MSRA: variants seen among roughly 807,000 people sequenced by gnomAD.
The protein encoded by MSRA is methionine sulfoxide reductase A, also known as mitochondrial peptide methionine sulfoxide reductase.
A neutral mutation model predicts 31.3 loss-of-function variants in MSRA; 54 were observed. The observed-to-expected ratio is 1.73, with a 90% CI of 1.39 to 2.17. The LOEUF is 2.17. Ranked by LOEUF, MSRA falls within the 30% of genes most tolerant of loss-of-function variation. The pLI, the probability that MSRA is intolerant of heterozygous loss-of-function variation, is 0.00. For missense variants in MSRA, 507 were observed against 300.9 expected, an observed-to-expected ratio of 1.69 and a Z score of -5.07; for synonymous variants, 169 against 116.5, an observed-to-expected ratio of 1.45 and a Z score of -2.90.
rs757696522 is a variant in MSRA at position 10,428,282 on chromosome 8, C to T, written c.678C>T (p.Gly226=). 42 of 1,613,910 alleles carry T rather than the reference C, an allele frequency of 2.6e-5. No individual in the cohort carries two copies. Among genetic ancestry groups the T allele is most frequent in the African/African-American group, 5.3e-5 (4 of 74,900 alleles). Residue 226 remains glycine, a synonymous_variant, in exon 6 of 6, where the codon GGC becomes GGT. Transcript: ENST00000317173. ...PNGYCGLGGT[G]VSCPVGIKK Reference sequence around the variant, plus strand: ...GCTACTGCGGCCTTGGGGGCACCGGCGTGTCCTGCCCAGTGGGTATTAAAA... The same window carrying T: ...GCTACTGCGGCCTTGGGGGCACCGGTGTGTCCTGCCCAGTGGGTATTAAAA...
chr8:10,180,998 G>A (rs1013210380), intron 1 of MSRA, among the ~76,000 whole-genome samples: 1 of 152,072 alleles, frequency 6.6e-6, no homozygotes, highest in Non-Finnish European at 1.5e-5. Flanking sequence ...CTTCGTCTCT[G>A]GACTTCTCTA....
chr8:10,225,293 C>T (rs1455180648), intron 2 of MSRA, among the ~76,000 whole-genome samples: 1 of 152,174 alleles, frequency 6.6e-6, no homozygotes, highest in Non-Finnish European at 1.5e-5. Flanking sequence ...TCAGTCCTTC[C>T]CCCTCAACCC....
At chr8:10,367,335 G>C (rs532970826) in intron 5 of MSRA, among the ~76,000 whole-genome samples, 1 of 152,262 alleles carries the variant, frequency 6.6e-6, no homozygotes, top group African/African-American at 2.4e-5. Context: ...TGCTTTATTA[G>C]TGTTGCGATA....
intron 5 of MSRA, 128 bp downstream of exon 5, chr8:10,320,117 C>T: frequency 1.6e-6 from 1 of 609,480 alleles, no homozygotes; most frequent in Non-Finnish European, 2.9e-6. Context: ...TTAGAAATTT[C>T]TGTCAGCCTC....
intron 5 of MSRA, among the ~76,000 whole-genome samples, chr8:10,408,374 C>T (rs1218189509): frequency 6.6e-6 from 1 of 151,964 alleles, no homozygotes; most frequent in Admixed American, 6.6e-5. Flanking sequence ...CTGTCTCTAC[C>T]AAAATTTTTT....
At chr8:10,169,506 C>G (rs953199098) in intron 1 of MSRA, among the ~76,000 whole-genome samples, 2 of 152,144 alleles carry the variant, frequency 1.3e-5, no homozygotes, top group East Asian at 3.8e-4. Flanking sequence ...AAACATAAAA[C>G]CATCAAACTT....
intron 1 of MSRA, among the ~76,000 whole-genome samples, chr8:10,201,286 G>C (rs561732197): frequency 1.3e-5 from 2 of 152,250 alleles, no homozygotes; most frequent in African/African-American, 4.8e-5. Context: ...GGTTGGGTTG[G>C]CATGGGGTTA....
intron 5 of MSRA, among the ~76,000 whole-genome samples, chr8:10,425,318 G>A (rs1051204795): frequency 1.3e-5 from 2 of 152,214 alleles, no homozygotes; most frequent in African/African-American, 4.8e-5. Flanking sequence ...TGCTCGCCTT[G>A]GAGGTTTTTC....
intron 5 of MSRA, among the ~76,000 whole-genome samples, chr8:10,390,150 G>C (rs556793911): frequency 6.6e-6 from 1 of 152,222 alleles, no homozygotes. Context: ...GATCCAGGCT[G>C]TGCCAGTCTC....
At chr8:10,197,507 G>C (rs1160718441) in intron 1 of MSRA, among the ~76,000 whole-genome samples, 1 of 152,066 alleles carries the variant, frequency 6.6e-6, no homozygotes, top group Non-Finnish European at 1.5e-5. Context: ...ATTGCGGGCT[G>C]GTGAAGGCTG....
chr8:10,269,543 G>T (rs1798921465), intron 3 of MSRA, among the ~76,000 whole-genome samples: 1 of 152,258 alleles, frequency 6.6e-6, no homozygotes, highest in African/African-American at 2.4e-5. Context: ...CAGAGAGCCG[G>T]CAGGGCAGAG....
At chr8:10,327,222 G>C (rs1210080218) in intron 5 of MSRA, among the ~76,000 whole-genome samples, 1 of 152,160 alleles carries the variant, frequency 6.6e-6, no homozygotes, top group East Asian at 1.9e-4. Flanking sequence ...TTTAAAGGCT[G>C]TATCTATCCG....
chr8:10,345,382 C>G (rs1256759055), intron 5 of MSRA, among the ~76,000 whole-genome samples: 2 of 152,170 alleles, frequency 1.3e-5, no homozygotes, highest in South Asian at 2.1e-4. Context: ...CATGTCACAT[C>G]CATTTCTAAC....
chr8:10,081,292 A>G (rs892172237), intron 1 of MSRA, among the ~76,000 whole-genome samples: 4 of 152,198 alleles, frequency 2.6e-5, no homozygotes, highest in African/African-American at 7.2e-5. Context: ...GCTGACTTCT[A>G]TAACCCACGT....
chr8:10,112,132 T>G (rs1161183745), intron 1 of MSRA, among the ~76,000 whole-genome samples: 1 of 152,148 alleles, frequency 6.6e-6, no homozygotes, highest in African/African-American at 2.4e-5. Flanking sequence ...GTCCCAGCTT[T>G]TATCCACAGT....
chr8:10,297,420 A>T (rs1039606056), intron 3 of MSRA, among the ~76,000 whole-genome samples: 1 of 152,172 alleles, frequency 6.6e-6, no homozygotes, highest in African/African-American at 2.4e-5. Context: ...CACATCTATC[A>T]TGCTATGTGC....
At chr8:10,295,524 G>A (rs10101352) in intron 3 of MSRA, among the ~76,000 whole-genome samples, 5,359 of 152,218 alleles carry the variant, frequency 0.035, 229 homozygotes, top group African/African-American at 0.11. Flanking sequence ...CACGCAGGCC[G>A]AGCTGCTCTT....
chr8:10,275,817 C>T (rs1799290296), intron 3 of MSRA, among the ~76,000 whole-genome samples: 1 of 152,218 alleles, frequency 6.6e-6, no homozygotes, highest in Non-Finnish European at 1.5e-5. Context: ...ATGGATTCCT[C>T]AACATCACAC....
intron 5 of MSRA, among the ~76,000 whole-genome samples, chr8:10,363,514 G>A (rs1216208571): frequency 6.6e-6 from 1 of 152,150 alleles, no homozygotes; most frequent in Non-Finnish European, 1.5e-5. Flanking sequence ...TACCGTGCCT[G>A]TCTTGTAGCA....
Sources: allele counts gnomAD v4.1 joint callset (sites outside exome capture counted in the v4.1 genomes callset), GRCh38; gene constraint gnomAD v4.1.1; transcripts MANE v1.5; gene names NCBI Gene and HGNC (gene_info 2026-07-23, HGNC 2026-07-21).